The following CTNNA3 variants were observed in gnomAD, a reference collection of about 807,000 sequenced individuals.
CTNNA3 encodes catenin alpha 3.
In CTNNA3, 76 loss-of-function variants were observed where a neutral mutation model predicts 95.7. That is an observed-to-expected ratio of 0.79 (90% confidence interval 0.66 to 0.96). The LOEUF is 0.96. Ranked by LOEUF, CTNNA3 falls within the 40% of genes least tolerant of loss-of-function variation. CTNNA3 has a pLI of 0.00. For missense variants in CTNNA3, 1,191 were observed against 1,089.8 expected (o/e 1.09, Z -1.31); for synonymous variants, 431 against 374.4 (o/e 1.15, Z -1.74).
intron 9 of CTNNA3, among the ~76,000 whole-genome samples, chr10:66,707,598 T>A (rs564379049): frequency 1.8e-4 from 28 of 152,188 alleles, no homozygotes; most frequent in African/African-American, 6.3e-4. Flanking sequence ...GTGCCAAGTA[T>A]CCTTAAGATT....
intron 5 of CTNNA3, among the ~76,000 whole-genome samples, chr10:67,497,108 G>C (rs1277198149): frequency 6.6e-6 from 1 of 152,022 alleles, no homozygotes; most frequent in Non-Finnish European, 1.5e-5. Flanking sequence ...ACAGGCCCTG[G>C]TGTGTGATGT....
chr10:67,669,108 T>C (rs755593298), intron 1 of CTNNA3, among the ~76,000 whole-genome samples: 4 of 152,046 alleles, frequency 2.6e-5, no homozygotes, highest in African/African-American at 4.8e-5. Context: ...AAAGGGCCTA[T>C]TGTATTTCAT....
chr10:67,277,165 T>TG (rs1001898121), intron 5 of CTNNA3, among the ~76,000 whole-genome samples: 27 of 152,174 alleles, frequency 1.8e-4, no homozygotes, highest in African/African-American at 6.5e-4. Flanking sequence ...TGTTTCAAAT[T>TG]ATCTTGAACT....
chr10:66,347,230 C>T (rs1034068102), intron 12 of CTNNA3, among the ~76,000 whole-genome samples: 1 of 152,028 alleles, frequency 6.6e-6, no homozygotes, highest in Non-Finnish European at 1.5e-5. Flanking sequence ...ATTTAATTCT[C>T]TAGTTATTGT....
chr10:66,542,435 C>G (rs1841888362), intron 10 of CTNNA3, among the ~76,000 whole-genome samples: 1 of 152,092 alleles, frequency 6.6e-6, no homozygotes. Context: ...AAGACGCATC[C>G]ACACATATGT....
At chr10:66,337,937 T>C (rs533680494) in intron 12 of CTNNA3, among the ~76,000 whole-genome samples, 1 of 152,028 alleles carries the variant, frequency 6.6e-6, no homozygotes, top group African/African-American at 2.4e-5. Flanking sequence ...AAGCTATGCA[T>C]AGCCTAGGTA....
chr10:67,027,418 CT>C (rs1215556346), intron 7 of CTNNA3, among the ~76,000 whole-genome samples: 4 of 145,288 alleles, frequency 2.8e-5, no homozygotes, highest in African/African-American at 2.5e-5. Flanking sequence ...AATGACTTGC[CT>C]TTTTTTTCTT....
At chr10:67,512,499 T>C (rs1306494970) in intron 5 of CTNNA3, among the ~76,000 whole-genome samples, 1 of 152,176 alleles carries the variant, frequency 6.6e-6, no homozygotes, top group African/African-American at 2.4e-5. Flanking sequence ...GTGCCTAGGA[T>C]ATACTTTAAA....
At chr10:67,173,299 C>T (rs1862096661) in intron 7 of CTNNA3, among the ~76,000 whole-genome samples, 1 of 152,162 alleles carries the variant, frequency 6.6e-6, no homozygotes. Flanking sequence ...AGGAACCTGC[C>T]TCATCCAAAG....
rs373615434 is a variant in CTNNA3 at position 66,320,610 on chromosome 10, C to A, written c.1733-39989G>T. On this transcript the variant is annotated intron_variant, in intron 12 of 17. Coordinates refer to ENST00000433211, the MANE Select transcript of CTNNA3 (RefSeq NM_013266.4). ...TCTTCGTATCACTAGGACTTTGGTGCAGGTCTTGGTTCTCTCATTCCTAAC... is the reference window on the plus strand; with the variant it reads ...TCTTCGTATCACTAGGACTTTGGTGAAGGTCTTGGTTCTCTCATTCCTAAC... Among the ~76,000 whole-genome samples, 4 of 152,210 alleles carry A rather than the reference C, an allele frequency of 2.6e-5. No homozygotes were observed. In the South Asian group the frequency reaches 6.2e-4, roughly 24 times the overall value.
chr10:67,014,909 A>G (rs984582540), intron 7 of CTNNA3, among the ~76,000 whole-genome samples: 3 of 152,108 alleles, frequency 2.0e-5, no homozygotes, highest in African/African-American at 4.8e-5. Flanking sequence ...CAAATTATAT[A>G]TGCATTTTAA....
intron 1 of CTNNA3, among the ~76,000 whole-genome samples, chr10:67,694,009 T>C (rs1840916756): frequency 6.6e-6 from 1 of 152,222 alleles, no homozygotes; most frequent in Non-Finnish European, 1.5e-5. Context: ...TTCTAATTTC[T>C]CCAAAGATTC....
rs2093474048 is a variant in CTNNA3, at chr10:66,452,959, T to TA, written c.1531+67657dup. On this transcript the variant is annotated intron_variant, in intron 11 of 17. Coordinates refer to ENST00000433211, the MANE Select transcript of CTNNA3 (RefSeq NM_013266.4). Reference sequence around the variant, plus strand: ...GGCTGGGTGCAGTGGCTCATGCCTGTAATCCCAACACTTTCAGAGGCTGAG... The same window carrying TA: ...GGCTGGGTGCAGTGGCTCATGCCTGTAAATCCCAACACTTTCAGAGGCTGAG... 3.9e-5 allele frequency among the ~76,000 whole-genome samples: 6 copies of TA among 152,148 alleles called. No homozygotes were observed. The South Asian group carries it at 1.2e-3, about 31-fold the overall frequency.
At chr10:67,112,880 TA>T (rs1208915729) in intron 7 of CTNNA3, among the ~76,000 whole-genome samples, 7 of 151,258 alleles carry the variant, frequency 4.6e-5, no homozygotes, top group East Asian at 1.9e-4. Flanking sequence ...TATCATTTTT[TA>T]AAAAAAAACA....
At chr10:67,416,995 G>C (rs980356075) in intron 5 of CTNNA3, among the ~76,000 whole-genome samples, 1 of 152,100 alleles carries the variant, frequency 6.6e-6, no homozygotes, top group Non-Finnish European at 1.5e-5. Context: ...ACATGTACTT[G>C]TACATTCATC....
chr10:66,096,615 C>T (rs1405798374), intron 14 of CTNNA3, among the ~76,000 whole-genome samples: 2 of 150,894 alleles, frequency 1.3e-5, no homozygotes, highest in Admixed American at 6.6e-5. Context: ...CCTCCACCTC[C>T]TGGGTTCAAG....
intron 3 of CTNNA3, among the ~76,000 whole-genome samples, chr10:67,600,492 T>C (rs1467965484): frequency 6.6e-6 from 1 of 152,090 alleles, no homozygotes; most frequent in Non-Finnish European, 1.5e-5. Context: ...ATATAAAAAG[T>C]TATCACAGAA....
chr10:67,521,371 C>T (rs576310931), intron 5 of CTNNA3, among the ~76,000 whole-genome samples: 8 of 152,268 alleles, frequency 5.3e-5, no homozygotes, highest in African/African-American at 1.2e-4. Context: ...TAGCAAATTA[C>T]TCATCTTCAA....
intron 14 of CTNNA3, chr10:66,097,830 A>T (rs923690898): frequency 6.6e-6 from 1 of 152,158 alleles, no homozygotes; most frequent in African/African-American, 2.4e-5. Context: ...AACAGGAAAA[A>T]CTTCTAGAAA....
Sources: allele counts gnomAD v4.1 joint callset (sites outside exome capture counted in the v4.1 genomes callset), GRCh38; gene constraint gnomAD v4.1.1; transcripts MANE v1.5; gene names NCBI Gene and HGNC (gene_info 2026-07-23, HGNC 2026-07-21).